SINHCAF: variants seen among roughly 807,000 people sequenced by gnomAD.
The protein encoded by SINHCAF is SIN3-HDAC complex associated factor, also known as SIN3-HDAC complex-associated factor.
In SINHCAF, 3 loss-of-function variants were observed where a neutral mutation model predicts 25.8. The ratio of observed to expected loss-of-function variants is 0.12; its 90% CI spans 0.05 to 0.30. The LOEUF (loss-of-function observed/expected upper bound fraction) is 0.30. SINHCAF is among the 10% of genes least tolerant of loss of function. The probability of loss-of-function intolerance (pLI) is 1.00; values close to 1 mark genes in which losing one functional copy is unlikely to be tolerated. For synonymous variants in SINHCAF, 70 were observed against 85.5 expected, an observed-to-expected ratio of 0.82 and a Z score of 1.00; for missense variants, 121 against 262.3, an observed-to-expected ratio of 0.46 and a Z score of 3.72.
At chr12:31,286,414 C>T (rs1208354158) in intron 5 of SINHCAF, among the ~76,000 whole-genome samples, 1 of 152,074 alleles carries the variant, frequency 6.6e-6, no homozygotes, top group Non-Finnish European at 1.5e-5. Flanking sequence ...ATAATCCCAA[C>T]ACTTTGGGAG....
At chr12:31,310,870 C>CTTTTTTTTTTTTT (rs901142862) in intron 1 of SINHCAF, among the ~76,000 whole-genome samples, 1 of 139,840 alleles carries the variant, frequency 7.2e-6, no homozygotes, top group African/African-American at 2.6e-5. Context: ...AATCTACGAT[C>CTTTTTTTTTTTTT]TTTTTTTTTT....
At chr12:31,291,607 T>C (rs1938322085) in intron 4 of SINHCAF, among the ~76,000 whole-genome samples, 1 of 151,986 alleles carries the variant, frequency 6.6e-6, no homozygotes, top group Non-Finnish European at 1.5e-5. Context: ...CTACTAAAAA[T>C]ACAAAAATTA....
chr12:31,309,978 T>C (rs1939201479), intron 1 of SINHCAF, among the ~76,000 whole-genome samples: 2 of 152,126 alleles, frequency 1.3e-5, no homozygotes, highest in South Asian at 4.1e-4. Context: ...ACTTGTGATA[T>C]ATTATGAGGG....
At chr12:31,287,527 G>T in intron 5 of SINHCAF, 107 bp downstream of exon 5, 1 of 746,108 alleles carries the variant, frequency 1.3e-6, no homozygotes, top group Non-Finnish European at 2.1e-6. Context: ...CTGCAATCGT[G>T]TGTTACCAAC....
At chr12:31,315,068 C>A (rs1056407589) in intron 1 of SINHCAF, among the ~76,000 whole-genome samples, 4 of 152,150 alleles carry the variant, frequency 2.6e-5, no homozygotes, top group African/African-American at 9.7e-5. Context: ...CTTGAGGATG[C>A]GCACCCAGGA....
intron 5 of SINHCAF, among the ~76,000 whole-genome samples, chr12:31,285,422 C>T (rs534463601): frequency 1.8e-3 from 254 of 144,726 alleles, no homozygotes; most frequent in African/African-American, 6.3e-3. Flanking sequence ...TATACATACA[C>T]ACACACACAC....
chr12:31,284,545 A>G (rs936776518), intron 5 of SINHCAF, among the ~76,000 whole-genome samples: 7 of 152,144 alleles, frequency 4.6e-5, no homozygotes, highest in African/African-American at 1.4e-4. Context: ...GTACTCTGTC[A>G]TAAAAAAATC....
rs1252968161 is a variant in SINHCAF, at chr12:31,325,330, G to A, written c.-21+694C>T. The A allele has an allele frequency of 7.0e-6, 3 of 431,284 alleles. No individual in the cohort carries two copies. The highest frequency in any genetic ancestry group is 1.4e-5 in the Non-Finnish European group (3 of 214,934). The allele number at this position is 431,284 out of a possible 1,614,324, so 26.7% of individuals were successfully genotyped here. A position where few individuals can be genotyped will look rare whatever the true frequency, so the allele number is the denominator to read the frequency against. The stretch of plus-strand genomic sequence containing the variant: ...GAAGACGGGCTGTTTTTAAGCGACC[G>A]CGTGTTGCTCTCATTGTCGCATCCG... On this transcript the variant is annotated intron_variant, in intron 1 of 5. Coordinates refer to ENST00000337682, the MANE Select transcript of SINHCAF (RefSeq NM_001135812.2). This position sits in a 1 kb window ranked among gnomAD's most constrained non-coding sequence, Gnocchi z 5.9.
chr12:31,303,830 A>T (rs1938907877), intron 1 of SINHCAF: 1 of 152,236 alleles, frequency 6.6e-6, no homozygotes, highest in Non-Finnish European at 1.5e-5. Context: ...GTTGAACTGC[A>T]GACTGGAAGA....
At chr12:31,303,164 G>GTACACATTCTTC in intron 1 of SINHCAF, 1 of 985,392 alleles carries the variant, frequency 1.0e-6, no homozygotes, top group Non-Finnish European at 1.2e-6. Flanking sequence ...GCCTTTGCAC[G>GTACACATTCTTC]TACACATTCT....
intron 1 of SINHCAF, among the ~76,000 whole-genome samples, chr12:31,302,271 G>C (rs952932018): frequency 2.0e-5 from 3 of 151,540 alleles, no homozygotes; most frequent in African/African-American, 7.3e-5. Flanking sequence ...TAGTGGTATG[G>C]TTGCAAAATT....
rs1289645216 is a variant in SINHCAF, at chr12:31,325,355, G to T, written c.-21+669C>A. The T allele has an allele frequency of 4.9e-6, 2 of 409,784 alleles. No homozygotes were observed. Among genetic ancestry groups the T allele is most frequent in the African/African-American group, 2.0e-5 (1 of 48,836 alleles). The allele number at this position is 409,784 out of a possible 1,614,324, so 25.4% of individuals were successfully genotyped here. On this transcript the variant is annotated intron_variant, in intron 1 of 5. Transcript: ENST00000337682. The surrounding 1 kb of genome is among the most constrained non-coding windows in gnomAD (Gnocchi z 5.9). ...GCGTGTTGCTCTCATTGTCGCATCC[G>T]CATCCCTCCGGAGTTGAGCAAACAA...
intron 3 of SINHCAF, among the ~76,000 whole-genome samples, chr12:31,294,873 A>AT (rs1387957921): frequency 2.6e-5 from 4 of 152,202 alleles, no homozygotes; most frequent in Non-Finnish European, 5.9e-5. Context: ...TCTGATCTAC[A>AT]TGTTCATTAG....
At chr12:31,310,249 C>T (rs1939211982) in intron 1 of SINHCAF, among the ~76,000 whole-genome samples, 1 of 152,088 alleles carries the variant, frequency 6.6e-6, no homozygotes, top group Non-Finnish European at 1.5e-5. Flanking sequence ...GGTATACCCA[C>T]CATGTTAACT....
At chr12:31,314,414 C>T (rs1939416371) in intron 1 of SINHCAF, among the ~76,000 whole-genome samples, 1 of 152,014 alleles carries the variant, frequency 6.6e-6, no homozygotes, top group African/African-American at 2.4e-5. Flanking sequence ...TAATCCCAGC[C>T]ACTCTGAAGG....
intron 1 of SINHCAF, among the ~76,000 whole-genome samples, chr12:31,323,607 C>G (rs969213999): frequency 2.6e-5 from 4 of 152,148 alleles, no homozygotes; most frequent in African/African-American, 7.2e-5. Context: ...TGACTAGGGT[C>G]ATAGTTACCA....
At chr12:31,323,878 C>G (rs1313388487) in intron 1 of SINHCAF, 2 of 447,996 alleles carry the variant, frequency 4.5e-6, no homozygotes, top group Non-Finnish European at 9.1e-6. Flanking sequence ...TGCTCGCCGC[C>G]CTCACCCGTT....
intron 1 of SINHCAF, among the ~76,000 whole-genome samples, chr12:31,310,373 A>C (rs1939217230): frequency 6.6e-6 from 1 of 152,144 alleles, no homozygotes; most frequent in African/African-American, 2.4e-5. Flanking sequence ...TTAAAGCAGC[A>C]TATTGGGAGA....
chr12:31,282,977 T>G, intron 5 of SINHCAF, 106 bp from the exon 6 acceptor site: 4 of 830,052 alleles, frequency 4.8e-6, no homozygotes, highest in African/African-American at 1.8e-5. Context: ...CAAAGAGTTG[T>G]GCTTCTACAA....
Sources: allele counts gnomAD v4.1 joint callset (sites outside exome capture counted in the v4.1 genomes callset), GRCh38; gene constraint gnomAD v4.1.1; non-coding constraint Gnocchi (gnomAD v3.1); transcripts MANE v1.5; gene names NCBI Gene and HGNC (gene_info 2026-07-23, HGNC 2026-07-21).